The following URAD variants were observed in gnomAD, a reference collection of about 807,000 sequenced individuals.
URAD encodes ureidoimidazoline (2-oxo-4-hydroxy-4-carboxy-5-) decarboxylase.
A neutral mutation model predicts 4.6 loss-of-function variants in URAD; 4 were observed. That is an observed-to-expected ratio of 0.87 (90% CI 0.43 to 1.98). URAD has a LOEUF of 1.98. Among genes scored for constraint, URAD ranks in the 30% most tolerant of loss-of-function variants. The pLI is 0.03. For synonymous variants in URAD, 144 were observed against 118.2 expected (o/e 1.22, Z -1.41); for missense variants, 300 against 255.3 (o/e 1.18, Z -1.19).
Position 27,978,412 on chromosome 13 carries a change from GC to G in URAD, c.215del (p.Gly72AlafsTer22). 1 of 1,391,996 alleles carries G rather than the reference GC, an allele frequency of 7.2e-7. No homozygotes were observed. Among genetic ancestry groups the G allele is most frequent in the Admixed American group, 3.2e-5 (1 of 31,510 alleles). 86.2% of individuals were successfully genotyped at this position (1,391,996 alleles called of 1,614,324 possible). A position where few individuals can be genotyped will look rare whatever the true frequency, so the allele number is the denominator to read the frequency against. On this transcript the variant is annotated frameshift_variant, in exon 2 of 2. Transcript: ENST00000332715. LOFTEE classifies it low-confidence loss of function (END_TRUNC). ...TGAGCGTGCCCCGCTGCAGCTCGCT[GC>G]CCGCCAGGTCCGGGTGGCAGCGCAG... ...GILRCHPDLA[G>X]SELQRGTLTA...
In URAD at chr13:27,978,101, G is replaced by C. The variant is rs762213577; in HGVS notation, c.*5C>G. On this transcript the variant is annotated 3_prime_UTR_variant, in exon 2 of 2. Coordinates refer to ENST00000332715, the MANE Select transcript of URAD (RefSeq NM_001105577.2). ...TGCGTCCCGGGTCCCTGGCCCGCGC[G>C]GCAGCTACAGCTTGGCGGGGTCTGC... The C allele has an allele frequency of 2.7e-6, 4 of 1,487,258 alleles. No homozygotes were observed. The highest frequency in any genetic ancestry group is 3.5e-6 in the Non-Finnish European group (4 of 1,133,948). 92.1% of individuals were successfully genotyped at this position (1,487,258 alleles called of 1,614,324 possible).
At chr13:27,986,363 G>C (rs116870063) in intron 1 of URAD, among the ~76,000 whole-genome samples, 2 of 152,126 alleles carry the variant, frequency 1.3e-5, no homozygotes, top group Non-Finnish European at 2.9e-5. Flanking sequence ...CAAGTCACGG[G>C]GGCATCAAAA....
intron 1 of URAD, among the ~76,000 whole-genome samples, chr13:27,984,680 A>G (rs1869967602): frequency 6.6e-6 from 1 of 152,180 alleles, no homozygotes; most frequent in Admixed American, 6.5e-5. Flanking sequence ...GCTAGACTGT[A>G]ATAAATCCCA....
intron 1 of URAD, among the ~76,000 whole-genome samples, chr13:27,982,081 C>T (rs1046953205): frequency 6.6e-6 from 1 of 152,162 alleles, no homozygotes; most frequent in Admixed American, 6.5e-5. Flanking sequence ...TGCCTGACCT[C>T]TTCTTTCTCA....
chr13:27,985,971 A>T (rs576240994), intron 1 of URAD, among the ~76,000 whole-genome samples: 1 of 152,158 alleles, frequency 6.6e-6, no homozygotes, highest in Non-Finnish European at 1.5e-5. Context: ...ACCATTGATA[A>T]CATCACTTGT....
intron 1 of URAD, among the ~76,000 whole-genome samples, chr13:27,981,028 C>CCTCTCTCT (rs112351328): frequency 2.2e-3 from 261 of 117,214 alleles, no homozygotes; most frequent in Non-Finnish European, 3.6e-3. Context: ...CTCTCTCTCT[C>CCTCTCTCT]CTCTCTCTCT....
At chr13:27,980,690 G>T (rs1185268970) in intron 1 of URAD, among the ~76,000 whole-genome samples, 1 of 152,196 alleles carries the variant, frequency 6.6e-6, no homozygotes, top group Non-Finnish European at 1.5e-5. Context: ...CCGGGCGCGG[G>T]GTCTGTCGTC....
chr13:27,980,379 C>T (rs1452022367), intron 1 of URAD, among the ~76,000 whole-genome samples: 1 of 152,230 alleles, frequency 6.6e-6, no homozygotes, highest in Non-Finnish European at 1.5e-5. Context: ...GCAGCCCCAG[C>T]CCTGTGCCCG....
Position 27,978,204 on chromosome 13 carries a change from G to C in URAD, c.424C>G (p.Pro142Ala), listed in dbSNP as rs1353173244. 2.0e-6 allele frequency: 3 copies of C among 1,490,614 alleles called. No individual in the cohort carries two copies. Among genetic ancestry groups the C allele is most frequent in the South Asian group, 1.3e-5 (1 of 77,690 alleles). The allele number at this position is 1,490,614 out of a possible 1,614,324, so 92.3% of individuals were successfully genotyped here. A position where few individuals can be genotyped will look rare whatever the true frequency, so the allele number is the denominator to read the frequency against. ...GCAGTGCGCAGCTCCTGCGCGGACG[G>C]GCAGAGCAGCCGGCGCGCCAGCTCG... ...PRELARRLLC[P>A]SAQELRTALG... The change falls in exon 2 of 2, where the codon CCG becomes GCG. Residue 142 changes from proline (P) to alanine (A), a missense_variant. Pro to Ala is a conservative substitution (Grantham distance 27, BLOSUM62 -1). Coordinates refer to ENST00000332715, the MANE Select transcript of URAD (RefSeq NM_001105577.2).
intron 1 of URAD, among the ~76,000 whole-genome samples, chr13:27,987,892 TGATAGATA>T (rs6144971): frequency 0.098 from 14,650 of 150,124 alleles, 829 homozygotes; most frequent in Middle Eastern, 0.15. Context: ...AATAGATAGA[TGATAGATA>T]GATAGATAGA....
rs1017222614 is a variant in URAD at position 27,978,507 on chromosome 13, C to T, written c.176-55G>A. The T allele has an allele frequency of 2.4e-5, 30 of 1,238,548 alleles. No homozygotes were observed. In the African/African-American group the frequency reaches 3.3e-4, roughly 14 times the overall value. 76.7% of individuals were successfully genotyped at this position (1,238,548 alleles called of 1,614,324 possible). A position where few individuals can be genotyped will look rare whatever the true frequency, so the allele number is the denominator to read the frequency against. Reference sequence around the variant, plus strand: ...CGCGTCAACCGCGCCCGTCCCGCACCGCGCACTCGAGGGGGCGCGTAGGCC... The same window carrying T: ...CGCGTCAACCGCGCCCGTCCCGCACTGCGCACTCGAGGGGGCGCGTAGGCC... On this transcript the variant is annotated intron_variant, in intron 1 of 1. Transcript: ENST00000332715.
chr13:27,984,894 G>A (rs1008664095), intron 1 of URAD, among the ~76,000 whole-genome samples: 1 of 152,232 alleles, frequency 6.6e-6, no homozygotes, highest in African/African-American at 2.4e-5. Context: ...CAGGAGAATC[G>A]CTTGAACCCG....
In URAD at chr13:27,980,877, CT is replaced by C. The variant is rs1869854995; in HGVS notation, c.176-2426del. Among the ~76,000 whole-genome samples, 7 of 149,306 alleles carry C rather than the reference CT, an allele frequency of 4.7e-5. No homozygotes were observed. The South Asian group carries it at 1.5e-3, about 31-fold the overall frequency. On this transcript the variant is annotated intron_variant, in intron 1 of 1. Coordinates refer to ENST00000332715, the MANE Select transcript of URAD (RefSeq NM_001105577.2). ...AACGTCGCCCGGGGTTAATGTTTGCCTAGAACTGAGCACGAGTTTTCCACTC... is the reference window on the plus strand; with the variant it reads ...AACGTCGCCCGGGGTTAATGTTTGCCAGAACTGAGCACGAGTTTTCCACTC...
chr13:27,987,813 G>A (rs1314920096), intron 1 of URAD, among the ~76,000 whole-genome samples: 1 of 152,090 alleles, frequency 6.6e-6, no homozygotes, highest in Non-Finnish European at 1.5e-5. Flanking sequence ...GACTAGACCT[G>A]AGGAAACTTA....
intron 1 of URAD, among the ~76,000 whole-genome samples, chr13:27,986,676 T>C (rs74041514): frequency 2.8e-3 from 422 of 152,186 alleles, no homozygotes; most frequent in African/African-American, 9.9e-3. Context: ...CACCACTCCT[T>C]TGGGTATTAA....
Position 27,978,158 on chromosome 13 carries a change from A to T in URAD, c.470T>A (p.Ile157Asn). Residue 157 changes from isoleucine to asparagine, a missense_variant, in exon 2 of 2, where the codon ATC becomes AAC. Ile to Asn is a moderately radical substitution (Grantham distance 149). Coordinates refer to ENST00000332715, the MANE Select transcript of URAD (RefSeq NM_001105577.2). ...GAGGTCGGCCAGGCGCAGGCTGCCG[A>T]TCTTCTTCACCTCGCCCAGAGCAGT... ...LRTALGEVKK[I>N]GSLRLADLLR... 5.2e-6 allele frequency: 8 copies of T among 1,534,744 alleles called. No individual in the cohort carries two copies. The highest frequency in any genetic ancestry group is 6.9e-6 in the Non-Finnish European group (8 of 1,153,508).
At chr13:27,987,438 C>T (rs1016425045) in intron 1 of URAD, among the ~76,000 whole-genome samples, 1 of 152,190 alleles carries the variant, frequency 6.6e-6, no homozygotes, top group African/African-American at 2.4e-5. Flanking sequence ...CCTTCAGATT[C>T]TCCTCCTTCC....
intron 1 of URAD, among the ~76,000 whole-genome samples, chr13:27,982,999 C>T (rs185678485): frequency 6.6e-6 from 1 of 152,346 alleles, no homozygotes; most frequent in East Asian, 1.9e-4. Context: ...GCCCCTCGAC[C>T]TGGCCCCCTG....
intron 1 of URAD, among the ~76,000 whole-genome samples, chr13:27,987,997 C>A (rs1361465212): frequency 1.3e-5 from 2 of 152,122 alleles, no homozygotes; most frequent in Non-Finnish European, 2.9e-5. Flanking sequence ...TCTTGCTCTG[C>A]CACCAGGCTG....
Sources: gnomAD v4.1 joint callset for allele counts (sites outside exome capture counted in the v4.1 genomes callset) on GRCh38, gnomAD v4.1.1 for gene constraint, MANE v1.5 for transcripts, NCBI Gene and HGNC (gene_info 2026-07-23, HGNC 2026-07-21) for gene names.